Variants in PLD5 observed in about 807,000 individuals in gnomAD.
PLD5 encodes the protein phospholipase D family member 5, also known as inactive phospholipase D5.
In PLD5, 36 loss-of-function variants were observed where a neutral mutation model predicts 61.1. That is an observed-to-expected ratio of 0.59 (90% CI 0.45 to 0.78). The LOEUF is 0.78. Ranked by LOEUF, PLD5 falls within the 30% of genes least tolerant of loss-of-function variation. The probability of loss-of-function intolerance (pLI) is 0.00; values close to 1 mark genes in which losing one functional copy is unlikely to be tolerated. For missense variants in PLD5, 515 were observed against 644.4 expected (o/e 0.80, Z 2.17); for synonymous variants, 243 against 242.8 (o/e 1.00, Z -0.01).
At chr1:242,113,860 G>A (rs779722266) in intron 7 of PLD5, 30 bp downstream of exon 7, 1 of 1,607,672 alleles carries the variant, frequency 6.2e-7, no homozygotes, top group Non-Finnish European at 8.5e-7. Flanking sequence ...TAGGGACTGG[G>A]TTCTAACCAG....
chr1:242,136,645 T>A (rs1316876903), intron 5 of PLD5, among the ~76,000 whole-genome samples: 1 of 152,186 alleles, frequency 6.6e-6, no homozygotes, highest in Non-Finnish European at 1.5e-5. Flanking sequence ...GTACCAGGTG[T>A]GTGTTTCTGT....
At chr1:242,490,962 A>T (rs548399016) in intron 1 of PLD5, among the ~76,000 whole-genome samples, 1 of 152,300 alleles carries the variant, frequency 6.6e-6, no homozygotes, top group Admixed American at 6.5e-5. Flanking sequence ...AGCTTCTTGC[A>T]CACCAGGCTT....
chr1:242,374,897 G>A (rs1661858132), intron 1 of PLD5, among the ~76,000 whole-genome samples: 2 of 152,190 alleles, frequency 1.3e-5, no homozygotes, highest in South Asian at 2.1e-4. Context: ...AAATTTGTAT[G>A]TCTTTCTCTA....
At chr1:242,474,623 C>G (rs1422356988) in intron 1 of PLD5, among the ~76,000 whole-genome samples, 2 of 152,146 alleles carry the variant, frequency 1.3e-5, no homozygotes, top group Non-Finnish European at 2.9e-5. Flanking sequence ...TTAGGTTATT[C>G]CTTTGCTTAA....
At chr1:242,417,125 G>T (rs1305587672) in intron 1 of PLD5, among the ~76,000 whole-genome samples, 2 of 152,200 alleles carry the variant, frequency 1.3e-5, no homozygotes, top group East Asian at 1.9e-4. Context: ...GTAAAAACCT[G>T]CAAGTAATGA....
chr1:242,223,970 T>A (rs992723845), intron 4 of PLD5, among the ~76,000 whole-genome samples: 1 of 152,166 alleles, frequency 6.6e-6, no homozygotes, highest in Non-Finnish European at 1.5e-5. Context: ...ATCTGTTTGT[T>A]GGTTATAGAA....
At chr1:242,484,748 C>G (rs1317696289) in intron 1 of PLD5, among the ~76,000 whole-genome samples, 5 of 152,106 alleles carry the variant, frequency 3.3e-5, no homozygotes, top group African/African-American at 1.2e-4. Flanking sequence ...CTGGCAGAGA[C>G]ACAGCAAAAA....
rs774556749 is a variant in PLD5, at chr1:242,440,416, ACCT to A, written c.189+83669_189+83671del. Among the ~76,000 whole-genome samples, 67 of 152,138 alleles carry A rather than the reference ACCT, an allele frequency of 4.4e-4. 1 individual carries two copies. Among genetic ancestry groups the A allele is most frequent in the Non-Finnish European group, 7.1e-4 (48 of 68,022 alleles). On this transcript the variant is annotated intron_variant, in intron 1 of 9. Coordinates refer to ENST00000536534, the MANE Select transcript of PLD5 (RefSeq NM_001372062.1). ...TGCTGGGTGGTGCAGGCTACACCCC[ACCT>A]AAGTGTAGTTCCTAAATCATCAGTG...
At chr1:242,378,632 A>G (rs911133791) in intron 1 of PLD5, among the ~76,000 whole-genome samples, 1 of 152,090 alleles carries the variant, frequency 6.6e-6, no homozygotes, top group East Asian at 1.9e-4. Context: ...CTTGAGGCCA[A>G]GTGTTCAAGA....
chr1:242,281,070 A>G (rs1674693260), intron 3 of PLD5, among the ~76,000 whole-genome samples: 1 of 152,228 alleles, frequency 6.6e-6, no homozygotes, highest in African/African-American at 2.4e-5. Flanking sequence ...GCAGGGGGCC[A>G]TAGAGGACTC....
chr1:242,353,652 A>G (rs565137852), intron 1 of PLD5, among the ~76,000 whole-genome samples: 37 of 152,108 alleles, frequency 2.4e-4, no homozygotes, highest in Non-Finnish European at 4.3e-4. Context: ...TCCTTTGCAT[A>G]TTTCTTAATC....
rs550441110 is a variant in PLD5 at position 242,406,077 on chromosome 1, C to T, written c.190-57835G>A. Among the ~76,000 whole-genome samples the T allele has an allele frequency of 3.3e-4, 51 of 152,316 alleles. 1 individual carries two copies. In the South Asian group the frequency reaches 9.5e-3, roughly 28 times the overall value. ...CCCAGGTAAAGCCTCACATTCCAAA[C>T]AGCCCTACCATGAGTTGCAAGAATG... On this transcript the variant is annotated intron_variant, in intron 1 of 9. Coordinates refer to ENST00000536534, the MANE Select transcript of PLD5 (RefSeq NM_001372062.1).
chr1:242,494,717 T>A (rs912187376), intron 1 of PLD5, among the ~76,000 whole-genome samples: 4 of 152,130 alleles, frequency 2.6e-5, no homozygotes, highest in Non-Finnish European at 5.9e-5. Context: ...AGAGTCTCAA[T>A]AACTGAAAAA....
chr1:242,312,148 TG>T (rs1460214319), intron 2 of PLD5, among the ~76,000 whole-genome samples: 2 of 151,908 alleles, frequency 1.3e-5, no homozygotes, highest in African/African-American at 4.8e-5. Context: ...TTTAAGAGAG[TG>T]GTTTTAAAGT....
At chr1:242,476,209 G>T (rs1423684850) in intron 1 of PLD5, among the ~76,000 whole-genome samples, 2 of 152,082 alleles carry the variant, frequency 1.3e-5, no homozygotes, top group Non-Finnish European at 2.9e-5. Flanking sequence ...ACAAAAATTA[G>T]CCAGACATGG....
intron 5 of PLD5, among the ~76,000 whole-genome samples, chr1:242,211,102 A>G (rs976067496): frequency 2.0e-5 from 3 of 152,246 alleles, no homozygotes; most frequent in Non-Finnish European, 4.4e-5. Context: ...AGCTGGGATC[A>G]TCGATGAAGC....
rs561712173 is a variant in PLD5 at position 242,246,462 on chromosome 1, C to T, written c.607+18875G>A. Among the ~76,000 whole-genome samples the T allele has an allele frequency of 9.9e-5, 13 of 130,992 alleles. 1 individual carries two copies. In the South Asian group the frequency reaches 3.0e-3, roughly 30 times the overall value. 85.9% of individuals were successfully genotyped at this position (130,992 alleles called of 152,430 possible). A position where few individuals can be genotyped will look rare whatever the true frequency, so the allele number is the denominator to read the frequency against. On this transcript the variant is annotated intron_variant, in intron 4 of 9. Transcript: ENST00000536534. ...CTGAGTTTTCAGCCCCCACCCTATACTTGCATAGAAAAGACAACACACACA... is the reference window on the plus strand; with the variant it reads ...CTGAGTTTTCAGCCCCCACCCTATATTTGCATAGAAAAGACAACACACACA...
At chr1:242,203,310 C>CT in intron 5 of PLD5, among the ~76,000 whole-genome samples, 1 of 152,310 alleles carries the variant, frequency 6.6e-6, no homozygotes, top group East Asian at 1.9e-4. Context: ...CCTTCCTTCC[C>CT]TTTTTTCCGC....
At chr1:242,389,995 GAATAATGATACAAAT>G (rs1662831501) in intron 1 of PLD5, among the ~76,000 whole-genome samples, 1 of 142,932 alleles carries the variant, frequency 7.0e-6, no homozygotes, top group Admixed American at 7.0e-5. Context: ...ACTCTGCTAG[GAATAATGATACAAAT>G]AATAATAATA....
Sources: gnomAD v4.1 joint callset for allele counts (sites outside exome capture counted in the v4.1 genomes callset) on GRCh38, gnomAD v4.1.1 for gene constraint, MANE v1.5 for transcripts, NCBI Gene and HGNC (gene_info 2026-07-23, HGNC 2026-07-21) for gene names.